PROX2: variants seen among roughly 807,000 people sequenced by gnomAD.
PROX2 encodes prospero homeobox 2, also known as prospero homeobox protein 2.
In PROX2, 46 loss-of-function variants were observed where a neutral mutation model predicts 48.9. The ratio of observed to expected loss-of-function variants is 0.94; its 90% confidence interval spans 0.74 to 1.20. The LOEUF is 1.20. PROX2 is among the 50% of genes most tolerant of loss of function. The pLI is 0.00. For synonymous variants in PROX2, 260 were observed against 276.6 expected, an observed-to-expected ratio of 0.94 and a Z score of 0.60; for missense variants, 663 against 719.4, an observed-to-expected ratio of 0.92 and a Z score of 0.90.
rs188084626 is a variant in PROX2 at position 74,862,617 on chromosome 14, C to G, written c.1218G>C (p.Leu406=). The G allele has an allele frequency of 1.9e-5, 31 of 1,613,986 alleles. No homozygotes were observed. Among genetic ancestry groups the G allele is most frequent in the Non-Finnish European group, 2.6e-5 (31 of 1,179,894 alleles). ...QCPLPFTSAH[L]ESLPLLPSVK... ...CCGAGGGAAGAAGGGGTAGACTTTC[C>G]AGATGGGCAGAGGTGAAAGGCAAGG... The change falls in exon 3 of 6, where the codon CTG becomes CTC. Residue 406 remains leucine, a synonymous_variant. Coordinates refer to ENST00000556489, the MANE Select transcript of PROX2 (RefSeq NM_001243007.2).
At position 74,863,756 on chromosome 14, in the gene PROX2, TC is replaced by T; in HGVS notation, c.78del (p.Arg27GlufsTer89). Reference protein sequence around the residue: ...SHLAEACTEGERSSSPPELDR... With the variant: ...SHLAEACTEGXRSSSPPELDR... ...TCCAGCTCTGGAGGGGATGAGCTTC[TC>T]TCGCCTTCCGTACAAGCTTCTGCTA... On this transcript the variant is annotated frameshift_variant, in exon 3 of 6. Coordinates refer to ENST00000556489, the MANE Select transcript of PROX2 (RefSeq NM_001243007.2). LOFTEE classifies it high-confidence loss of function. The T allele has an allele frequency of 6.5e-7, 1 of 1,527,818 alleles. No homozygotes were observed. Among genetic ancestry groups the T allele is most frequent in the East Asian group, 2.3e-5 (1 of 44,226 alleles). 94.6% of individuals were successfully genotyped at this position (1,527,818 alleles called of 1,614,324 possible).
At chr14:74,870,439 A>AACACACACACACACAC (rs766736707) in intron 2 of PROX2, among the ~76,000 whole-genome samples, 1 of 29,936 alleles carries the variant, frequency 3.3e-5, no homozygotes, top group African/African-American at 2.4e-4. Context: ...AAAAAAAAAA[A>AACACACACACACACAC]ATACACACAC....
chr14:74,860,144 A>G (rs1046670767), intron 3 of PROX2, among the ~76,000 whole-genome samples: 16 of 152,236 alleles, frequency 1.1e-4, no homozygotes, highest in African/African-American at 3.9e-4. Context: ...GTGAGATAAT[A>G]CAGGTCTAAA....
At chr14:74,859,153 C>A (rs2091775699) in intron 3 of PROX2, 2 of 152,234 alleles carry the variant, frequency 1.3e-5, no homozygotes, top group Admixed American at 1.3e-4. Flanking sequence ...GGTACCCACT[C>A]TCCATTTGCC....
intron 3 of PROX2, among the ~76,000 whole-genome samples, chr14:74,862,285 T>TCGAACTCC: frequency 6.6e-6 from 1 of 152,244 alleles, no homozygotes; most frequent in Admixed American, 6.5e-5. Context: ...CACTGTAACC[T>TCGAACTCC]CGAACTCCCG....
Position 74,862,743 on chromosome 14 carries a change from G to T in PROX2, c.1092C>A (p.Pro364=). The change falls in exon 3 of 6, where the codon CCC becomes CCA. Residue 364 remains proline (P), a synonymous_variant. Transcript: ENST00000556489. The part of the protein sequence containing the change: ...YNNGHWSSSP[P]QDSSSQRHPS... ...GGTGCCTCTGGGAAGATGAGTCCTG[G>T]GGAGGACTGCTACTCCAATGGCCAT... is the stretch of plus-strand genomic sequence containing the variant. 6.2e-7 allele frequency: 1 copy of T among 1,613,906 alleles called. No homozygotes were observed. Among genetic ancestry groups the T allele is most frequent in the Non-Finnish European group, 8.5e-7 (1 of 1,179,808 alleles).
At chr14:74,861,847 T>C (rs1183045960) in intron 3 of PROX2, among the ~76,000 whole-genome samples, 1 of 152,224 alleles carries the variant, frequency 6.6e-6, no homozygotes, top group African/African-American at 2.4e-5. Flanking sequence ...TGTAGAGCTA[T>C]GGGGTTGGGG....
At chr14:74,860,033 C>T (rs1276490506) in intron 3 of PROX2, among the ~76,000 whole-genome samples, 1 of 152,198 alleles carries the variant, frequency 6.6e-6, no homozygotes. Flanking sequence ...GGGTTTAAAT[C>T]CTGGTTGCTC....
intron 2 of PROX2, among the ~76,000 whole-genome samples, chr14:74,868,356 TATATA>T (rs1318216568): frequency 7.1e-4 from 76 of 107,330 alleles, no homozygotes; most frequent in African/African-American, 2.5e-3. Context: ...TATATATATA[TATATA>T]AACAAAAATG....
chr14:74,865,144 T>TAAGAAAAAAAAGAAA (rs1883019269), intron 2 of PROX2: 1 of 128,092 alleles, frequency 7.8e-6, no homozygotes, highest in Admixed American at 7.8e-5. Context: ...AACTCTGTCT[T>TAAGAAAAAAAAGAAA]AAGAAAAAAA....
intron 3 of PROX2, chr14:74,861,199 G>A (rs765697272): frequency 3.7e-6 from 5 of 1,352,098 alleles, no homozygotes; most frequent in Middle Eastern, 2.1e-4. Context: ...CAAAGGACAC[G>A]ACTGTTCCCA....
Position 74,856,849 on chromosome 14 carries a change from T to C in PROX2, c.1560A>G (p.Glu520=), listed in dbSNP as rs758503992. 6.2e-7 allele frequency: 1 copy of C among 1,614,020 alleles called. No homozygotes were observed. The highest frequency in any genetic ancestry group is 8.5e-7 in the Non-Finnish European group (1 of 1,179,882). Residue 520 remains glutamate, a synonymous_variant, in exon 5 of 6, where the codon GAA becomes GAG. Coordinates refer to ENST00000556489, the MANE Select transcript of PROX2 (RefSeq NM_001243007.2). The stretch of plus-strand genomic sequence containing the variant: ...AGTGCATATTGAGAGCTTGAAAAAG[T>C]TCTGAATTGCGGAGAACCACCAGCA... ...PKMLVVLRNS[E]LFQALNMHYN... is the part of the protein sequence containing the mutation.
rs2140169810 is a variant in PROX2 at position 74,863,951 on chromosome 14, A to G, written c.-117T>C. ...CTTAGAAGGGTAAAGAGCCACTGTC[A>G]CTGAGGAAGGATTCAGATTCTGGGA... is the stretch of plus-strand genomic sequence containing the variant. On this transcript the variant is annotated 5_prime_UTR_variant, in exon 3 of 6. Coordinates refer to ENST00000556489, the MANE Select transcript of PROX2 (RefSeq NM_001243007.2). 10 of 1,243,230 alleles carry G rather than the reference A, an allele frequency of 8.0e-6. No individual in the cohort carries two copies. The highest frequency in any genetic ancestry group is 1.0e-5 in the Non-Finnish European group (10 of 978,440). 77.0% of individuals were successfully genotyped at this position (1,243,230 alleles called of 1,614,324 possible). A position where few individuals can be genotyped will look rare whatever the true frequency, so the allele number is the denominator to read the frequency against.
At chr14:74,869,144 A>G (rs1883149760) in intron 2 of PROX2, among the ~76,000 whole-genome samples, 1 of 152,180 alleles carries the variant, frequency 6.6e-6, no homozygotes, top group Non-Finnish European at 1.5e-5. Context: ...TTCTTTGGGG[A>G]CTACATTTCT....
At chr14:74,874,852 T>G (rs868719894) in intron 1 of PROX2, among the ~76,000 whole-genome samples, 1 of 152,136 alleles carries the variant, frequency 6.6e-6, no homozygotes. Flanking sequence ...TTTTATTTCT[T>G]AAAGAATCTT....
chr14:74,857,786 TGTA>T (rs2091757506), intron 4 of PROX2: 2 of 147,720 alleles, frequency 1.4e-5, no homozygotes, highest in Non-Finnish European at 1.5e-5. Flanking sequence ...TTTTTTGAGA[TGTA>T]GTCTCGCTTT....
At chr14:74,867,165 A>G (rs989503828) in intron 2 of PROX2, among the ~76,000 whole-genome samples, 2 of 152,186 alleles carry the variant, frequency 1.3e-5, no homozygotes, top group Non-Finnish European at 2.9e-5. Flanking sequence ...ATGCCCCTCT[A>G]TGGAATCAAA....
chr14:74,857,025 A>T, intron 4 of PROX2, 30 bp from the exon 5 acceptor site: 1 of 1,594,412 alleles, frequency 6.3e-7, no homozygotes, highest in Non-Finnish European at 8.6e-7. Context: ...ATCCAGTCAG[A>T]CATTTGCCAC....
rs1004349412 is a variant in PROX2 at position 74,853,869 on chromosome 14, A to T, written c.*1263T>A. The stretch of plus-strand genomic sequence containing the variant: ...ACTCAGCTTTGTACATGCCTTGCCT[A>T]TATACTCAAGAGTGGGTCACAATTG... On this transcript the variant is annotated 3_prime_UTR_variant, in exon 6 of 6. Coordinates refer to ENST00000556489, the MANE Select transcript of PROX2 (RefSeq NM_001243007.2). The T allele has an allele frequency of 6.5e-6, 1 of 154,154 alleles. No homozygotes were observed. Among genetic ancestry groups the T allele is most frequent in the Non-Finnish European group, 1.4e-5 (1 of 69,610 alleles). The allele number at this position is 154,154 out of a possible 1,614,324, so 9.5% of individuals were successfully genotyped here.
Sources: allele counts gnomAD v4.1 joint callset (sites outside exome capture counted in the v4.1 genomes callset), GRCh38; gene constraint gnomAD v4.1.1; transcripts MANE v1.5; gene names NCBI Gene and HGNC (gene_info 2026-07-23, HGNC 2026-07-21).